VCPIP1: variants seen among roughly 807,000 people sequenced by gnomAD.
VCPIP1 encodes deubiquitinating protein VCPIP1.
In VCPIP1, 8 loss-of-function variants were observed where a neutral mutation model predicts 85.0. The ratio of observed to expected loss-of-function variants is 0.09; its 90% CI spans 0.06 to 0.17. The LOEUF (loss-of-function observed/expected upper bound fraction) is 0.17, where lower values mean the gene tolerates loss of function less well. Ranked by LOEUF, VCPIP1 falls within the 10% of genes least tolerant of loss-of-function variation. The pLI is 1.00. For missense variants in VCPIP1, 1,070 were observed against 1,486.3 expected (o/e 0.72, Z 4.61); for synonymous variants, 543 against 544.5 (o/e 1.00, Z 0.04).
chr8:66,664,361 G>A lies in VCPIP1; in HGVS notation c.2598C>T (p.Ala866=). ...EGGQSAAAHS[A]HTVKQEDIAV... is the part of the protein sequence containing the mutation. ...CAATATCTTCTTGTTTCACAGTGTG[G>A]GCTGAGTGTGCTGCAGCAGACTGAC... The change falls in exon 1 of 3, where the codon GCC becomes GCT. Residue 866 remains alanine (A), a synonymous_variant. Transcript: ENST00000310421. 1 of 1,613,788 alleles carries A rather than the reference G, an allele frequency of 6.2e-7. No individual in the cohort carries two copies. The highest frequency in any genetic ancestry group is 8.5e-7 in the Non-Finnish European group (1 of 1,179,752).
chr8:66,638,603 C>G (rs1281487712), intron 2 of VCPIP1, among the ~76,000 whole-genome samples: 1 of 151,524 alleles, frequency 6.6e-6, no homozygotes, highest in African/African-American at 2.4e-5. Flanking sequence ...CACGGTGAAA[C>G]CTCATCTCTA....
Position 66,630,010 on chromosome 8 carries a change from C to T in VCPIP1, c.*4491G>A, listed in dbSNP as rs1810818831. The stretch of plus-strand genomic sequence containing the variant: ...TCTTTATAAAACTGAACTATATGTT[C>T]ATGCATTATAATTCCAGGAAACTAA... On this transcript the variant is annotated 3_prime_UTR_variant, in exon 3 of 3. Transcript: ENST00000310421. 1 of 152,094 alleles carries T rather than the reference C, an allele frequency of 6.6e-6. No homozygotes were observed. Among genetic ancestry groups the T allele is most frequent in the African/African-American group, 2.4e-5 (1 of 41,420 alleles). 9.4% of individuals were successfully genotyped at this position (152,094 alleles called of 1,614,324 possible).
rs910694727 is a variant in VCPIP1, at chr8:66,635,276, G to A, written c.2894C>T (p.Ala965Val). The A allele has an allele frequency of 1.2e-6, 2 of 1,614,176 alleles. No individual in the cohort carries two copies. The highest frequency in any genetic ancestry group is 1.7e-6 in the Non-Finnish European group (2 of 1,180,050). The change falls in exon 3 of 3, where the codon GCT becomes GTT. Residue 965 changes from alanine to valine, a missense_variant. By Grantham distance (64) the Ala-to-Val change is moderately conservative. Transcript: ENST00000310421. ...AGGACCAATGGGGAAATGTCCTGCA[G>A]CATCCACACACAATTCCAGTCTATC... ...SEDRLELCVD[A>V]AGHFPIGPDV... is the part of the protein sequence containing the mutation.
chr8:66,657,473 A>C (rs2130175896), intron 1 of VCPIP1, among the ~76,000 whole-genome samples: 1 of 152,334 alleles, frequency 6.6e-6, no homozygotes, highest in East Asian at 1.9e-4. Flanking sequence ...CTCACGTTTA[A>C]AAGTTTATCT....
At chr8:66,647,806 A>G (rs1254002697) in intron 2 of VCPIP1, among the ~76,000 whole-genome samples, 1 of 152,196 alleles carries the variant, frequency 6.6e-6, no homozygotes, top group East Asian at 1.9e-4. Flanking sequence ...ACCCTGCAAC[A>G]TATTAAAAAA....
chr8:66,664,968 G>T lies in VCPIP1; in HGVS notation c.1991C>A (p.Thr664Asn), dbSNP rs768981023. The T allele has an allele frequency of 6.2e-7, 1 of 1,613,808 alleles. No homozygotes were observed. Among genetic ancestry groups the T allele is most frequent in the Non-Finnish European group, 8.5e-7 (1 of 1,179,796 alleles). ...QTAKKNPDDY[T>N]PVNIDGAHAQ... is the part of the protein sequence containing the mutation. ...GTGAGCACCATCTATATTTACAGGA[G>T]TATAATCATCGGGATTCTTTTTGGC... is the stretch of plus-strand genomic sequence containing the variant. The change falls in exon 1 of 3, where the codon ACT becomes AAT. Residue 664 changes from threonine (T) to asparagine (N), a missense_variant. Thr to Asn is a moderately conservative substitution (Grantham distance 65, BLOSUM62 0). Transcript: ENST00000310421.
chr8:66,654,144 A>G (rs1277650722), intron 1 of VCPIP1, among the ~76,000 whole-genome samples: 1 of 152,250 alleles, frequency 6.6e-6, no homozygotes, highest in Non-Finnish European at 1.5e-5. Context: ...CCTGTGTATC[A>G]GTCCAAAGCT....
Position 66,642,280 on chromosome 8 carries a change from C to T in VCPIP1, c.2798-6908G>A, listed in dbSNP as rs191274537. On this transcript the variant is annotated intron_variant, in intron 2 of 2. Transcript: ENST00000310421. ...ATTCATATCTTTTGCCCATTTTTAA[C>T]TGTTATTTGTCTTTTTTGTTTAGTT... 1.6e-3 allele frequency among the ~76,000 whole-genome samples: 236 copies of T among 152,150 alleles called. 1 individual carries two copies. Among genetic ancestry groups the T allele is most frequent in the African/African-American group, 5.5e-3 (229 of 41,522 alleles).
chr8:66,652,101 G>A (rs1379421053), intron 1 of VCPIP1, among the ~76,000 whole-genome samples: 2 of 152,124 alleles, frequency 1.3e-5, no homozygotes, highest in Admixed American at 6.5e-5. Context: ...TGGCTGGGGG[G>A]AACCCCTTGT....
At chr8:66,635,751 A>T (rs905176329) in intron 2 of VCPIP1, among the ~76,000 whole-genome samples, 1 of 151,546 alleles carries the variant, frequency 6.6e-6, no homozygotes, top group Non-Finnish European at 1.5e-5. Context: ...AACTCTACTG[A>T]GAATACACAA....
At chr8:66,657,661 T>G (rs1354548459) in intron 1 of VCPIP1, among the ~76,000 whole-genome samples, 1 of 152,212 alleles carries the variant, frequency 6.6e-6, no homozygotes, top group Non-Finnish European at 1.5e-5. Context: ...GTACAGAGTC[T>G]GAAAGGACAC....
intron 2 of VCPIP1, among the ~76,000 whole-genome samples, chr8:66,645,303 A>G (rs1563568047): frequency 6.6e-6 from 1 of 152,006 alleles, no homozygotes; most frequent in Non-Finnish European, 1.5e-5. Flanking sequence ...CTGTAGTCTC[A>G]GCTACTCGGG....
Position 66,651,558 on chromosome 8 carries a change from A to G in VCPIP1, c.2711-14T>C, listed in dbSNP as rs57974187. ...ATACATCTTCTCCTGTAAGACAAAA[A>G]CAGATATAGTATTAGCAACAAACAA... On this transcript the variant is annotated splice_polypyrimidine_tract_variant and intron_variant, in intron 1 of 2. Transcript: ENST00000310421. 6.2e-7 allele frequency: 1 copy of G among 1,605,708 alleles called. No individual in the cohort carries two copies. The highest frequency in any genetic ancestry group is 8.5e-7 in the Non-Finnish European group (1 of 1,174,924).
Position 66,666,239 on chromosome 8 carries a change from C to A in VCPIP1, c.720G>T (p.Glu240Asp). The A allele has an allele frequency of 6.2e-7, 1 of 1,614,030 alleles. No homozygotes were observed. Among genetic ancestry groups the A allele is most frequent in the South Asian group, 1.1e-5 (1 of 91,080 alleles). Residue 240 changes from glutamate (E) to aspartate (D), a missense_variant, in exon 1 of 3, where the codon GAG becomes GAT. Physicochemically the swap from Glu to Asp is conservative, Grantham distance 45. Transcript: ENST00000310421. The surrounding 1 kb of genome is among the most constrained non-coding windows in gnomAD (Gnocchi z 6.3). Reference protein sequence around the residue: ...GRELFWHALRENLKQHFQQHL... With the variant: ...GRELFWHALRDNLKQHFQQHL... Reference sequence around the variant, plus strand: ...GCTGCTGAAAGTGCTGTTTAAGATTCTCTCTTAAGGCATGCCAGAAGAGCT... The same window carrying A: ...GCTGCTGAAAGTGCTGTTTAAGATTATCTCTTAAGGCATGCCAGAAGAGCT...
Position 66,635,069 on chromosome 8 carries a change from G to T in VCPIP1, c.3101C>A (p.Thr1034Asn). The change falls in exon 3 of 3, where the codon ACT becomes AAT. Residue 1034 changes from threonine to asparagine, a missense_variant. Thr to Asn is a moderately conservative substitution (Grantham distance 65, BLOSUM62 0). Transcript: ENST00000310421. ...AFQGKGHSLG[T>N]ASGNPHLDPR... ...ATCAAGGTGTGGGTTACCAGATGCA[G>T]TTCCTAAAGAATGCCCTTTTCCCTG... 1 of 1,614,184 alleles carries T rather than the reference G, an allele frequency of 6.2e-7. No homozygotes were observed.
At chr8:66,664,149 T>C in intron 1 of VCPIP1, 100 bp downstream of exon 1, 1 of 1,359,084 alleles carries the variant, frequency 7.4e-7, no homozygotes, top group Non-Finnish European at 9.6e-7. Flanking sequence ...AATTAAAAAC[T>C]TACAATGGCT....
In VCPIP1 at chr8:66,633,296, A is replaced by G. The variant is rs1404158175; in HGVS notation, c.*1205T>C. On this transcript the variant is annotated 3_prime_UTR_variant, in exon 3 of 3. Transcript: ENST00000310421. ...CTTTCAGCCATTCAAATTCAACTTA[A>G]TTTCAGTGAACAGAGAAGAATATGG... is the stretch of plus-strand genomic sequence containing the variant. 6.6e-6 allele frequency: 1 copy of G among 152,568 alleles called. No individual in the cohort carries two copies. The highest frequency in any genetic ancestry group is 1.9e-4 in the East Asian group (1 of 5,198). 9.5% of individuals were successfully genotyped at this position (152,568 alleles called of 1,614,324 possible).
chr8:66,638,787 G>C (rs1334221531), intron 2 of VCPIP1, among the ~76,000 whole-genome samples: 1 of 151,730 alleles, frequency 6.6e-6, no homozygotes, highest in Non-Finnish European at 1.5e-5. Context: ...CTCAAAAAAA[G>C]AAAGAAAGAA....
intron 1 of VCPIP1, among the ~76,000 whole-genome samples, chr8:66,655,110 G>A (rs1811087385): frequency 6.6e-6 from 1 of 152,134 alleles, no homozygotes; most frequent in South Asian, 2.1e-4. Context: ...CTACATATAT[G>A]AATACCACAG....
Sources: allele counts gnomAD v4.1 joint callset (sites outside exome capture counted in the v4.1 genomes callset), GRCh38; gene constraint gnomAD v4.1.1; non-coding constraint Gnocchi (gnomAD v3.1); transcripts MANE v1.5; gene names NCBI Gene and HGNC (gene_info 2026-07-23, HGNC 2026-07-21).